The following IGSF21 variants were observed in gnomAD, a reference collection of about 807,000 sequenced individuals.
IGSF21 encodes the protein immunoglobin superfamily member 21, also known as immunoglobulin superfamily member 21.
A neutral mutation model predicts 46.8 loss-of-function variants in IGSF21; 28 were observed. That is an observed-to-expected ratio of 0.60 (90% CI 0.44 to 0.82). The LOEUF is 0.82. Ranked by LOEUF, IGSF21 falls within the 40% of genes least tolerant of loss-of-function variation. The probability of loss-of-function intolerance (pLI) is 0.00; values close to 1 mark genes in which losing one functional copy is unlikely to be tolerated. For missense variants in IGSF21, 624 were observed against 665.5 expected, an observed-to-expected ratio of 0.94 and a Z score of 0.69; for synonymous variants, 284 against 273.6, an observed-to-expected ratio of 1.04 and a Z score of -0.38.
At chr1:18,243,403 C>A (rs1209632529) in intron 2 of IGSF21, among the ~76,000 whole-genome samples, 1 of 152,134 alleles carries the variant, frequency 6.6e-6, no homozygotes, top group Admixed American at 6.5e-5. Context: ...TCCATCGAAT[C>A]CGTTCTAAAA....
At chr1:18,251,879 G>C (rs913356567) in intron 2 of IGSF21, among the ~76,000 whole-genome samples, 13 of 151,866 alleles carry the variant, frequency 8.6e-5, no homozygotes, top group Non-Finnish European at 1.5e-4. Context: ...TACAACACTT[G>C]GTACTATGGC....
At chr1:18,154,731 G>A (rs1216778837) in intron 1 of IGSF21, among the ~76,000 whole-genome samples, 1 of 152,190 alleles carries the variant, frequency 6.6e-6, no homozygotes, top group East Asian at 2.0e-4. Flanking sequence ...TAGGCTCAGA[G>A]AAAATGGAGT....
At chr1:18,117,792 A>G (rs2086200240) in intron 1 of IGSF21, among the ~76,000 whole-genome samples, 1 of 152,232 alleles carries the variant, frequency 6.6e-6, no homozygotes. Context: ...TTGGAATTAC[A>G]GAGCATCTGA....
chr1:18,199,227 T>C (rs1191054232), intron 1 of IGSF21, among the ~76,000 whole-genome samples: 4 of 152,102 alleles, frequency 2.6e-5, no homozygotes, highest in African/African-American at 7.2e-5. Context: ...TGGCGTGCCC[T>C]GAGTTCAAAT....
chr1:18,264,561 A>G (rs1271551558), intron 2 of IGSF21, among the ~76,000 whole-genome samples: 17 of 152,180 alleles, frequency 1.1e-4, no homozygotes, highest in African/African-American at 2.4e-5. Context: ...CTAGAATCTC[A>G]TTACAGGAGG....
chr1:18,370,348 A>G (rs1044701436), intron 6 of IGSF21, among the ~76,000 whole-genome samples: 1 of 152,214 alleles, frequency 6.6e-6, no homozygotes, highest in Admixed American at 6.5e-5. Flanking sequence ...AGGCGGTTCA[A>G]TCAGGAAAGA....
chr1:18,136,256 A>G (rs528143736), intron 1 of IGSF21, among the ~76,000 whole-genome samples: 1 of 152,050 alleles, frequency 6.6e-6, no homozygotes, highest in African/African-American at 2.4e-5. Context: ...GAAGCTCTTT[A>G]GTTTAATTAG....
At chr1:18,245,143 C>A (rs909482852) in intron 2 of IGSF21, among the ~76,000 whole-genome samples, 1 of 152,186 alleles carries the variant, frequency 6.6e-6, no homozygotes, top group African/African-American at 2.4e-5. Flanking sequence ...CATAGGAATG[C>A]ATTTATAATT....
At chr1:18,313,819 C>T (rs531112521) in intron 3 of IGSF21, among the ~76,000 whole-genome samples, 3 of 152,348 alleles carry the variant, frequency 2.0e-5, no homozygotes, top group Admixed American at 1.3e-4. Context: ...CTCTGGGCCA[C>T]TGCGCTCTCT....
chr1:18,275,995 T>A (rs1465851652), intron 2 of IGSF21, among the ~76,000 whole-genome samples: 1 of 152,202 alleles, frequency 6.6e-6, no homozygotes, highest in Non-Finnish European at 1.5e-5. Flanking sequence ...CCCATATCTT[T>A]GTAAATCACC....
chr1:18,145,171 C>T (rs75147026), intron 1 of IGSF21, among the ~76,000 whole-genome samples: 3,060 of 151,622 alleles, frequency 0.02, 58 homozygotes, highest in East Asian at 0.057. Flanking sequence ...GACAGGGAAC[C>T]GTGGAGGGAA....
At chr1:18,144,784 A>T (rs10907331) in intron 1 of IGSF21, among the ~76,000 whole-genome samples, 1 of 151,934 alleles carries the variant, frequency 6.6e-6, no homozygotes, top group Non-Finnish European at 1.5e-5. Context: ...GACCAGAAGG[A>T]CAGAGTGAGA....
chr1:18,272,806 T>C lies in IGSF21; in HGVS notation c.184-19060T>C, dbSNP rs1380217982. 2.0e-5 allele frequency among the ~76,000 whole-genome samples: 3 copies of C among 152,168 alleles called. No homozygotes were observed. In the East Asian group the frequency reaches 5.8e-4, roughly 29 times the overall value. On this transcript the variant is annotated intron_variant, in intron 2 of 9. Coordinates refer to ENST00000251296, the MANE Select transcript of IGSF21 (RefSeq NM_032880.5). ...TTTAATTCAAAGATGCACTTAACTT[T>C]AAAGATCCCTCCCCCAGAATTTTCC...
At chr1:18,205,607 T>C (rs1170535747) in intron 1 of IGSF21, among the ~76,000 whole-genome samples, 1 of 152,154 alleles carries the variant, frequency 6.6e-6, no homozygotes, top group Non-Finnish European at 1.5e-5. Flanking sequence ...TAAAATGCCA[T>C]GTCTTGTAGC....
At chr1:18,308,621 C>T (rs2085451397) in intron 3 of IGSF21, among the ~76,000 whole-genome samples, 1 of 152,166 alleles carries the variant, frequency 6.6e-6, no homozygotes, top group African/African-American at 2.4e-5. Flanking sequence ...AGTTATAGTA[C>T]AGTGTGCAAG....
At chr1:18,324,648 A>C (rs565473905) in intron 3 of IGSF21, among the ~76,000 whole-genome samples, 6 of 152,166 alleles carry the variant, frequency 3.9e-5, no homozygotes, top group Non-Finnish European at 8.8e-5. Context: ...TGGGAGAGCT[A>C]TTAAAGGAAT....
At chr1:18,146,502 G>A (rs9661438) in intron 1 of IGSF21, among the ~76,000 whole-genome samples, 206 of 152,264 alleles carry the variant, frequency 1.4e-3, no homozygotes, top group African/African-American at 4.6e-3. Context: ...CTGCTCCAAC[G>A]CAGGGAGGGA....
Position 18,335,107 on chromosome 1 carries a change from T to A in IGSF21, c.424+97T>A. 1 of 925,818 alleles carries A rather than the reference T, an allele frequency of 1.1e-6. No homozygotes were observed. The highest frequency in any genetic ancestry group is 1.7e-6 in the Non-Finnish European group (1 of 576,888). 57.4% of individuals were successfully genotyped at this position (925,818 alleles called of 1,614,324 possible). ...CACAGAGTGGCCATCCTGGGGGCCATCCACCAGAAGTTCTGTTGTGCTGGT... is the reference window on the plus strand; with the variant it reads ...CACAGAGTGGCCATCCTGGGGGCCAACCACCAGAAGTTCTGTTGTGCTGGT... On this transcript the variant is annotated intron_variant, in intron 4 of 9. Coordinates refer to ENST00000251296, the MANE Select transcript of IGSF21 (RefSeq NM_032880.5). The surrounding 1 kb of genome is among the most constrained non-coding windows in gnomAD (Gnocchi z 4.8).
At chr1:18,167,263 A>ACTCT (rs1232286187) in intron 1 of IGSF21, among the ~76,000 whole-genome samples, 82 of 152,260 alleles carry the variant, frequency 5.4e-4, no homozygotes, top group African/African-American at 1.8e-3. Flanking sequence ...GGATTGGTCC[A>ACTCT]AGGGCCCATG....
Sources: gnomAD v4.1 joint callset for allele counts (sites outside exome capture counted in the v4.1 genomes callset) on GRCh38, gnomAD v4.1.1 for gene constraint, Gnocchi (gnomAD v3.1) non-coding constraint, MANE v1.5 for transcripts, NCBI Gene and HGNC (gene_info 2026-07-23, HGNC 2026-07-21) for gene names.